CACNA1D: variants seen among roughly 807,000 people sequenced by gnomAD.
The protein encoded by CACNA1D is calcium voltage-gated channel subunit alpha1 D.
Under a neutral mutation model 257.1 loss-of-function variants are expected in CACNA1D, and 55 were observed. The observed-to-expected ratio is 0.21, with a 90% CI of 0.17 to 0.27. The LOEUF is 0.27. CACNA1D is among the 10% of genes least tolerant of loss of function. The probability of loss-of-function intolerance (pLI) is 1.00; values close to 1 mark genes in which losing one functional copy is unlikely to be tolerated. For missense variants in CACNA1D, 1,876 were observed against 2,784.0 expected, an observed-to-expected ratio of 0.67 and a Z score of 7.34; for synonymous variants, 980 against 1,014.9, an observed-to-expected ratio of 0.97 and a Z score of 0.65.
chr3:53,806,156 T>C (rs72979966), intron 45 of CACNA1D, among the ~76,000 whole-genome samples: 19,404 of 112,316 alleles, frequency 0.17, 4,484 homozygotes, highest in African/African-American at 0.57. Flanking sequence ...TCCTCCTCCT[T>C]CTTTTCCCTC....
At chr3:53,808,552 G>A (rs2095579090) in intron 45 of CACNA1D, 97 bp from the exon 46 acceptor site, 2 of 1,445,636 alleles carry the variant, frequency 1.4e-6, no homozygotes, top group Non-Finnish European at 1.9e-6. Context: ...TTCTTCCTGG[G>A]CTCGTTGCTG....
At chr3:53,709,353 T>G (rs1004577303) in intron 9 of CACNA1D, among the ~76,000 whole-genome samples, 2 of 152,198 alleles carry the variant, frequency 1.3e-5, no homozygotes, top group Non-Finnish European at 2.9e-5. Flanking sequence ...GCCATGTGAC[T>G]TACGTGGCAA....
intron 9 of CACNA1D, among the ~76,000 whole-genome samples, chr3:53,716,631 A>C (rs2094821734): frequency 6.6e-6 from 1 of 152,024 alleles, no homozygotes; most frequent in Admixed American, 6.5e-5. Context: ...AAAGTAAATC[A>C]AGGTTTGTAA....
Position 53,627,595 on chromosome 3 carries a change from G to A in CACNA1D, c.484-23184G>A, listed in dbSNP as rs530521414. Among the ~76,000 whole-genome samples, 5 of 128,230 alleles carry A rather than the reference G, an allele frequency of 3.9e-5. No homozygotes were observed. The East Asian group carries it at 1.3e-3, about 34-fold the overall frequency. The allele number at this position is 128,230 out of a possible 152,430, so 84.1% of individuals were successfully genotyped here. On this transcript the variant is annotated intron_variant, in intron 3 of 47. Coordinates refer to ENST00000350061, the MANE Select transcript of CACNA1D (RefSeq NM_001128840.3). ...CTGTGTTCCCTCTCAAGCCTCACTA[G>A]CCTGTGGCTGTGGATGGGTGGGGGG...
In CACNA1D at chr3:53,590,365, G is replaced by A. The variant is rs975525366; in HGVS notation, c.484-60414G>A. ...CTGCCTGGTTGAGGTCAGGCTTGTC[G>A]TCCAGCCTATACTTAGGATTGTCAC... is the stretch of plus-strand genomic sequence containing the variant. On this transcript the variant is annotated intron_variant, in intron 3 of 47. Transcript: ENST00000350061. 8.5e-5 allele frequency among the ~76,000 whole-genome samples: 13 copies of A among 152,284 alleles called. 1 individual carries two copies. Among genetic ancestry groups the A allele is most frequent in the Admixed American group, 5.9e-4 (9 of 15,304 alleles).
intron 3 of CACNA1D, among the ~76,000 whole-genome samples, chr3:53,505,341 C>T (rs967832621): frequency 1.3e-5 from 2 of 151,974 alleles, no homozygotes; most frequent in Non-Finnish European, 2.9e-5. Context: ...AATCTCCTGA[C>T]CTTGTGATCT....
chr3:53,666,361 A>G lies in CACNA1D; in HGVS notation c.942A>G (p.Pro314=), dbSNP rs2094263537. The G allele has an allele frequency of 6.2e-7, 1 of 1,614,124 alleles. No homozygotes were observed. The highest frequency in any genetic ancestry group is 8.5e-7 in the Non-Finnish European group (1 of 1,180,010). The part of the protein sequence containing the change: ...ADSDIVAEED[P]APCAFSGNGR... ...CAGATATCGTAGCTGAAGAGGACCC[A>G]GCTCCATGTGCGTTCTCAGGGAATG... Residue 314 remains proline, a synonymous_variant, in exon 7 of 48, where the codon CCA becomes CCG. Coordinates refer to ENST00000350061, the MANE Select transcript of CACNA1D (RefSeq NM_001128840.3).
intron 9 of CACNA1D, among the ~76,000 whole-genome samples, chr3:53,707,925 T>A (rs1421275143): frequency 6.6e-6 from 1 of 152,218 alleles, no homozygotes; most frequent in African/African-American, 2.4e-5. Context: ...AGATATTTGA[T>A]GCCCAAAGAA....
At position 53,793,070 on chromosome 3, in the gene CACNA1D, G is replaced by A. The variant is rs1431821812; in HGVS notation, c.4923+6118G>A. 2.0e-5 allele frequency among the ~76,000 whole-genome samples: 3 copies of A among 152,200 alleles called. No homozygotes were observed. The highest frequency in any genetic ancestry group is 7.2e-5 in the African/African-American group (3 of 41,444). ...CCAGTGTGGCCAGGCCACTTGTCAAGATGTTGAAGCACAGCTGCACCTGGT... is the reference window on the plus strand; with the variant it reads ...CCAGTGTGGCCAGGCCACTTGTCAAAATGTTGAAGCACAGCTGCACCTGGT... On this transcript the variant is annotated intron_variant, in intron 40 of 47. Transcript: ENST00000350061. This position sits in a 1 kb window ranked among gnomAD's most constrained non-coding sequence, Gnocchi z 4.1.
At chr3:53,730,155 C>A (rs1184209871) in intron 15 of CACNA1D, among the ~76,000 whole-genome samples, 3 of 152,208 alleles carry the variant, frequency 2.0e-5, no homozygotes, top group Non-Finnish European at 4.4e-5. Context: ...GACACACACA[C>A]ACACAGAGAA....
At position 53,810,075 on chromosome 3, in the gene CACNA1D, A is replaced by C. The variant is rs939635600; in HGVS notation, c.5969A>C (p.Tyr1990Ser). ...GCCACCCCTCCAGCAACCCCTCCCTACCGGGACTGGACACCGTGCTACACC... is the reference window on the plus strand; with the variant it reads ...GCCACCCCTCCAGCAACCCCTCCCTCCCGGGACTGGACACCGTGCTACACC... The part of the protein sequence containing the change: ...SWATPPATPP[Y>S]RDWTPCYTPL... The change falls in exon 47 of 48, where the codon TAC becomes TCC. Residue 1990 changes from tyrosine to serine, a missense_variant. Tyr to Ser is a moderately radical substitution (Grantham distance 144, BLOSUM62 -2). Transcript: ENST00000350061. The C allele has an allele frequency of 6.2e-7, 1 of 1,613,556 alleles. No individual in the cohort carries two copies. Among genetic ancestry groups the C allele is most frequent in the African/African-American group, 1.3e-5 (1 of 74,884 alleles).
chr3:53,775,818 C>CAAAA, intron 34 of CACNA1D, 68 bp from the exon 35 acceptor site: 1 of 1,475,686 alleles, frequency 6.8e-7, no homozygotes, highest in Non-Finnish European at 9.5e-7. Flanking sequence ...AGTTTTTCTC[C>CAAAA]CCTAAGATCT....
intron 5 of CACNA1D, among the ~76,000 whole-genome samples, chr3:53,661,322 A>G (rs900429109): frequency 7.1e-6 from 1 of 141,024 alleles, no homozygotes; most frequent in Non-Finnish European, 1.6e-5. Context: ...AATGCACCAA[A>G]AATCCTCTGG....
At chr3:53,525,760 T>C (rs2091740962) in intron 3 of CACNA1D, among the ~76,000 whole-genome samples, 1 of 152,014 alleles carries the variant, frequency 6.6e-6, no homozygotes, top group South Asian at 2.1e-4. Flanking sequence ...ACAGTTCAGT[T>C]GGGGATAGAT....
At chr3:53,536,467 C>CA in intron 3 of CACNA1D, among the ~76,000 whole-genome samples, 1 of 152,120 alleles carries the variant, frequency 6.6e-6, no homozygotes, top group African/African-American at 2.4e-5. Flanking sequence ...TGCATGGGAA[C>CA]TACCAGGTTA....
At chr3:53,562,597 A>G (rs996331106) in intron 3 of CACNA1D, among the ~76,000 whole-genome samples, 3 of 152,216 alleles carry the variant, frequency 2.0e-5, no homozygotes, top group Non-Finnish European at 2.9e-5. Context: ...TAGTAAATTT[A>G]AAAAGCTATA....
intron 12 of CACNA1D, among the ~76,000 whole-genome samples, chr3:53,722,976 A>G (rs1039683792): frequency 6.6e-6 from 1 of 151,934 alleles, no homozygotes; most frequent in Non-Finnish European, 1.5e-5. Flanking sequence ...GCTTGGTGAT[A>G]TTTTCAGCTG....
intron 3 of CACNA1D, among the ~76,000 whole-genome samples, chr3:53,567,997 C>A (rs151120243): frequency 6.6e-6 from 1 of 152,152 alleles, no homozygotes; most frequent in Non-Finnish European, 1.5e-5. Flanking sequence ...CCTTGCCTCA[C>A]GACTCTAAAT....
In CACNA1D at chr3:53,620,594, T is replaced by A. The variant is rs9855590; in HGVS notation, c.484-30185T>A. Among the ~76,000 whole-genome samples, 598 of 152,298 alleles carry A rather than the reference T, an allele frequency of 3.9e-3. 7 individuals carry two copies. Among genetic ancestry groups the A allele is most frequent in the African/African-American group, 0.014 (570 of 41,560 alleles). ...GCGTGAGCCATGATTCCCCACCTGGTCCCTCTGTTAAAGCAGAACTCACAG... is the reference window on the plus strand; with the variant it reads ...GCGTGAGCCATGATTCCCCACCTGGACCCTCTGTTAAAGCAGAACTCACAG... On this transcript the variant is annotated intron_variant, in intron 3 of 47. Transcript: ENST00000350061.
Sources: allele counts gnomAD v4.1 joint callset (sites outside exome capture counted in the v4.1 genomes callset), GRCh38; gene constraint gnomAD v4.1.1; non-coding constraint Gnocchi (gnomAD v3.1); transcripts MANE v1.5; gene names NCBI Gene and HGNC (gene_info 2026-07-23, HGNC 2026-07-21).